The following ROBO2 variants were observed in gnomAD, a reference collection of about 807,000 sequenced individuals.
ROBO2 encodes the protein roundabout guidance receptor 2, also known as roundabout homolog 2.
In ROBO2, 53 loss-of-function variants were observed where a neutral mutation model predicts 160.8. The observed-to-expected ratio is 0.33, with a 90% CI of 0.26 to 0.41. The LOEUF is 0.41. Among genes scored for constraint, ROBO2 ranks in the 10% least tolerant of loss-of-function variants. ROBO2 has a pLI of 1.00. For synonymous variants in ROBO2, 664 were observed against 611.7 expected, an observed-to-expected ratio of 1.09 and a Z score of -1.26; for missense variants, 1,577 against 1,722.4, an observed-to-expected ratio of 0.92 and a Z score of 1.49.
chr3:76,467,239 C>G (rs1025961403), intron 2 of ROBO2, among the ~76,000 whole-genome samples: 1 of 151,888 alleles, frequency 6.6e-6, no homozygotes, highest in Admixed American at 6.6e-5. Flanking sequence ...AATAATAATG[C>G]AGCCATTTTT....
intron 2 of ROBO2, among the ~76,000 whole-genome samples, chr3:76,631,916 A>C (rs1028153098): frequency 6.6e-6 from 1 of 152,222 alleles, no homozygotes; most frequent in African/African-American, 2.4e-5. Flanking sequence ...CTGCAGTAAC[A>C]AGCAGGTTTG....
At chr3:77,581,468 G>T (rs2093917854) in intron 16 of ROBO2, among the ~76,000 whole-genome samples, 1 of 152,052 alleles carries the variant, frequency 6.6e-6, no homozygotes, top group Non-Finnish European at 1.5e-5. Context: ...GATGGTAACT[G>T]CAATGTGGTT....
intron 2 of ROBO2, among the ~76,000 whole-genome samples, chr3:77,416,309 A>C (rs2077219159): frequency 6.6e-6 from 1 of 152,128 alleles, no homozygotes; most frequent in South Asian, 2.1e-4. Context: ...GCCTTAAGGA[A>C]GTTCTTACTC....
chr3:77,587,608 T>C (rs891310980), intron 16 of ROBO2, among the ~76,000 whole-genome samples: 3 of 152,062 alleles, frequency 2.0e-5, no homozygotes, highest in African/African-American at 7.2e-5. Context: ...ACAGGGGCTC[T>C]AGAAGATTTA....
At chr3:76,721,385 G>A (rs1450523833) in intron 2 of ROBO2, among the ~76,000 whole-genome samples, 3 of 151,942 alleles carry the variant, frequency 2.0e-5, no homozygotes, top group Non-Finnish European at 4.4e-5. Flanking sequence ...TGAGTCTTTT[G>A]GCTCTTCCAT....
rs1002309050 is a variant in ROBO2 at position 77,286,090 on chromosome 3, T to C, written c.388+187750T>C. Among the ~76,000 whole-genome samples, 8 of 152,310 alleles carry C rather than the reference T, an allele frequency of 5.3e-5. No individual in the cohort carries two copies. In the East Asian group the frequency reaches 9.7e-4, roughly 18 times the overall value. ...TATATCTGTGAATAATCTGCGCATA[T>C]GCATATAGCAGTGTGTTTTACAAAA... On this transcript the variant is annotated intron_variant, in intron 2 of 25. Transcript: ENST00000461745.
At position 76,037,319 on chromosome 3, in the gene ROBO2, G is replaced by A. The variant is rs527513979; in HGVS notation, c.109+99717G>A. On this transcript the variant is annotated intron_variant, in intron 2 of 26. Transcript: ENST00000487694. ...GTTTCCCAGGCTGGAGTGCAGTGGC[G>A]CGATCTCGGCTCACTGCAACCTCCG... Among the ~76,000 whole-genome samples, 27 of 148,428 alleles carry A rather than the reference G, an allele frequency of 1.8e-4. 2 individuals are homozygous for A. The highest frequency in any genetic ancestry group is 6.0e-4 in the African/African-American group (24 of 39,728).
intron 2 of ROBO2, among the ~76,000 whole-genome samples, chr3:77,121,032 C>T (rs1478820288): frequency 6.6e-6 from 1 of 152,016 alleles, no homozygotes; most frequent in Non-Finnish European, 1.5e-5. Flanking sequence ...GCAACCTCCA[C>T]CTCCTGGGTT....
At chr3:76,728,473 C>G (rs1164062648) in intron 2 of ROBO2, among the ~76,000 whole-genome samples, 1 of 152,086 alleles carries the variant, frequency 6.6e-6, no homozygotes, top group Non-Finnish European at 1.5e-5. Flanking sequence ...TTTTGCCAAG[C>G]CTTGCTTGTT....
At chr3:76,717,440 A>G (rs174813) in intron 2 of ROBO2, among the ~76,000 whole-genome samples, 14,409 of 151,196 alleles carry the variant, frequency 0.095, 915 homozygotes, top group African/African-American at 0.17. Context: ...GCAGTGAGCC[A>G]AGAATGCGCC....
intron 2 of ROBO2, among the ~76,000 whole-genome samples, chr3:76,580,343 T>TTTTTTTTTTTTTG (rs2085610198): frequency 6.9e-4 from 5 of 7,296 alleles, no homozygotes; most frequent in South Asian, 5.7e-3. Flanking sequence ...TTTTTTTGTG[T>TTTTTTTTTTTTTG]TTTTTTTTTT....
intron 1 of ROBO2, among the ~76,000 whole-genome samples, chr3:75,933,337 C>G (rs2106957557): frequency 6.6e-6 from 1 of 152,252 alleles, no homozygotes; most frequent in Admixed American, 6.5e-5. Context: ...TCATTTGATT[C>G]TTTGGTCTTT....
intron 2 of ROBO2, among the ~76,000 whole-genome samples, chr3:76,349,211 A>G (rs1355627477): frequency 6.6e-6 from 1 of 152,120 alleles, no homozygotes; most frequent in African/African-American, 2.4e-5. Flanking sequence ...ATTTGTTTAT[A>G]ATTGTGAAAA....
At chr3:76,333,802 G>A (rs1404450438) in intron 2 of ROBO2, among the ~76,000 whole-genome samples, 3 of 152,160 alleles carry the variant, frequency 2.0e-5, no homozygotes, top group Non-Finnish European at 4.4e-5. Flanking sequence ...GAGTAGTGCC[G>A]CAATAAACAT....
intron 2 of ROBO2, among the ~76,000 whole-genome samples, chr3:76,534,365 C>A (rs777948207): frequency 2.0e-5 from 3 of 151,980 alleles, no homozygotes; most frequent in Non-Finnish European, 4.4e-5. Flanking sequence ...AGTTTTTAGG[C>A]CAGGGAAGGA....
At chr3:77,616,771 T>G (rs1228552302) in intron 21 of ROBO2, among the ~76,000 whole-genome samples, 1 of 152,212 alleles carries the variant, frequency 6.6e-6, no homozygotes, top group East Asian at 1.9e-4. Context: ...GGATTAATTT[T>G]CTATATTCAC....
intron 2 of ROBO2, among the ~76,000 whole-genome samples, chr3:76,220,015 A>T (rs1327145679): frequency 1.3e-5 from 2 of 152,090 alleles, no homozygotes; most frequent in Non-Finnish European, 2.9e-5. Flanking sequence ...TGGTGAGTTC[A>T]TGTCCTTTGT....
At chr3:76,125,211 T>C (rs1356130737) in intron 2 of ROBO2, among the ~76,000 whole-genome samples, 3 of 152,174 alleles carry the variant, frequency 2.0e-5, no homozygotes, top group Non-Finnish European at 4.4e-5. Flanking sequence ...TATTCCCTGG[T>C]GTGTATGTAC....
At chr3:76,910,437 T>C (rs1033091633) in intron 2 of ROBO2, among the ~76,000 whole-genome samples, 1 of 151,962 alleles carries the variant, frequency 6.6e-6, no homozygotes, top group African/African-American at 2.4e-5. Context: ...AGAAATCATA[T>C]ACATTGTTGG....
Sources: allele counts gnomAD v4.1 joint callset (sites outside exome capture counted in the v4.1 genomes callset), GRCh38; gene constraint gnomAD v4.1.1; transcripts MANE v1.5; gene names NCBI Gene and HGNC (gene_info 2026-07-23, HGNC 2026-07-21).